KCNMA1: variants seen among roughly 807,000 people sequenced by gnomAD.
KCNMA1 encodes Calcium-activated potassium channel subunit alpha-1.
Under a neutral mutation model 140.0 loss-of-function variants are expected in KCNMA1, and 29 were observed. The observed-to-expected ratio is 0.21, with a 90% CI of 0.15 to 0.28. KCNMA1 has a LOEUF of 0.28. Among genes scored for constraint, KCNMA1 ranks in the 10% least tolerant of loss-of-function variants. KCNMA1 has a pLI of 1.00. For synonymous variants in KCNMA1, 612 were observed against 611.9 expected (o/e 1.00, Z 0.00); for missense variants, 880 against 1,602.2 (o/e 0.55, Z 7.70).
At chr10:77,393,648 C>A (rs1306162689) in intron 2 of KCNMA1, among the ~76,000 whole-genome samples, 1 of 152,220 alleles carries the variant, frequency 6.6e-6, no homozygotes, top group Non-Finnish European at 1.5e-5. Flanking sequence ...GCAGCTCCTT[C>A]CCAAGATGGG....
At chr10:77,559,052 G>A (rs556322867) in intron 1 of KCNMA1, among the ~76,000 whole-genome samples, 2 of 152,272 alleles carry the variant, frequency 1.3e-5, no homozygotes, top group Non-Finnish European at 2.9e-5. Context: ...GTCACTCTCC[G>A]TGTCCTGGTC....
At chr10:77,047,163 T>A (rs1007258249) in intron 14 of KCNMA1, among the ~76,000 whole-genome samples, 1 of 152,162 alleles carries the variant, frequency 6.6e-6, no homozygotes, top group Non-Finnish European at 1.5e-5. Flanking sequence ...CAGGACAATG[T>A]CAATTAAAAC....
chr10:77,233,986 T>C (rs557617289), intron 3 of KCNMA1, among the ~76,000 whole-genome samples: 1 of 152,328 alleles, frequency 6.6e-6, no homozygotes, highest in East Asian at 1.9e-4. Context: ...ACTTGTAACT[T>C]TTTTTAGCAA....
intron 1 of KCNMA1, among the ~76,000 whole-genome samples, chr10:77,503,237 C>A (rs143483368): frequency 4.3e-4 from 65 of 152,282 alleles, no homozygotes; most frequent in African/African-American, 1.2e-3. Context: ...AAGAGACTTC[C>A]TAGTTTAAAA....
chr10:77,309,221 G>A (rs1176340232), intron 2 of KCNMA1, among the ~76,000 whole-genome samples: 1 of 152,194 alleles, frequency 6.6e-6, no homozygotes, highest in East Asian at 1.9e-4. Flanking sequence ...TTTGCAGCCA[G>A]CAAAGGGGAT....
At chr10:77,626,052 A>G (rs1169595581) in intron 1 of KCNMA1, among the ~76,000 whole-genome samples, 1 of 151,932 alleles carries the variant, frequency 6.6e-6, no homozygotes, top group African/African-American at 2.4e-5. Flanking sequence ...AGCCATCCTA[A>G]CAGATGTGAC....
At chr10:76,920,051 T>TATATAC (rs1434881721) in intron 23 of KCNMA1, among the ~76,000 whole-genome samples, 4 of 116,710 alleles carry the variant, frequency 3.4e-5, no homozygotes, top group Non-Finnish European at 5.0e-5. Context: ...TATATATATA[T>TATATAC]ACACACAATA....
intron 14 of KCNMA1, among the ~76,000 whole-genome samples, chr10:77,070,908 T>C (rs536028626): frequency 2.4e-4 from 37 of 152,300 alleles, no homozygotes; most frequent in African/African-American, 8.9e-4. Flanking sequence ...GGCTTGTGAT[T>C]TCCAGGTCAT....
At chr10:77,215,416 T>TTTC (rs2047419253) in intron 3 of KCNMA1, among the ~76,000 whole-genome samples, 1 of 151,628 alleles carries the variant, frequency 6.6e-6, no homozygotes, top group Non-Finnish European at 1.5e-5. Context: ...GCTTTTTTTT[T>TTTC]TTTTTGCCTG....
At chr10:77,327,986 C>T (rs2084864686) in intron 2 of KCNMA1, among the ~76,000 whole-genome samples, 1 of 152,162 alleles carries the variant, frequency 6.6e-6, no homozygotes, top group Admixed American at 6.5e-5. Context: ...GTCAGCCCCT[C>T]CCTTTCCACC....
intron 5 of KCNMA1, among the ~76,000 whole-genome samples, chr10:77,122,914 C>T (rs1263036958): frequency 6.6e-6 from 1 of 152,038 alleles, no homozygotes; most frequent in Non-Finnish European, 1.5e-5. Flanking sequence ...CACGGTGGCT[C>T]ATGCCTGTAA....
intron 1 of KCNMA1, among the ~76,000 whole-genome samples, chr10:77,496,188 C>T (rs554604425): frequency 2.1e-4 from 32 of 152,262 alleles, no homozygotes; most frequent in African/African-American, 7.7e-4. Flanking sequence ...ATTCCTACCA[C>T]CTCCTTGACA....
At chr10:76,973,982 G>T (rs2076806495) in intron 19 of KCNMA1, 1 of 152,536 alleles carries the variant, frequency 6.6e-6, no homozygotes, top group Non-Finnish European at 1.5e-5. Context: ...AGATTTAAGG[G>T]GATGATGCCC....
chr10:76,914,356 T>A (rs748485313), intron 24 of KCNMA1: 15 of 555,688 alleles, frequency 2.7e-5, no homozygotes, highest in Non-Finnish European at 3.5e-5. Context: ...TAGATTCTAT[T>A]GTCCAACCAA....
chr10:76,937,883 G>A (rs979299412), intron 23 of KCNMA1, among the ~76,000 whole-genome samples: 2 of 151,976 alleles, frequency 1.3e-5, no homozygotes, highest in Admixed American at 1.3e-4. Flanking sequence ...GTCAAAGAGG[G>A]CGGGAGGAAA....
chr10:77,343,128 G>A (rs1227709043), intron 2 of KCNMA1, among the ~76,000 whole-genome samples: 1 of 152,128 alleles, frequency 6.6e-6, no homozygotes, highest in Non-Finnish European at 1.5e-5. Flanking sequence ...GGGGACCCCA[G>A]GTGAGCATTG....
chr10:76,890,988 C>A (rs577023176), intron 26 of KCNMA1, among the ~76,000 whole-genome samples: 1 of 152,342 alleles, frequency 6.6e-6, no homozygotes, highest in East Asian at 1.9e-4. Context: ...TGAAAACCAC[C>A]AGTGCCTGGG....
intron 12 of KCNMA1, 63 bp downstream of exon 12, chr10:77,084,574 A>C: frequency 7.7e-7 from 1 of 1,293,698 alleles, no homozygotes; most frequent in Non-Finnish European, 1.1e-6. Flanking sequence ...AGAAGATCCA[A>C]AAGGGCCGTG....
intron 1 of KCNMA1, among the ~76,000 whole-genome samples, chr10:77,469,994 AT>A (rs1275281691): frequency 6.6e-6 from 1 of 152,086 alleles, no homozygotes; most frequent in Admixed American, 6.5e-5. Context: ...CTAATAGCAG[AT>A]GAAGACCTAA....
Sources: gnomAD v4.1 joint callset for allele counts (sites outside exome capture counted in the v4.1 genomes callset) on GRCh38, gnomAD v4.1.1 for gene constraint, MANE v1.5 for transcripts, NCBI Gene and HGNC (gene_info 2026-07-23, HGNC 2026-07-21) for gene names.